CC2D2B: variants seen among roughly 807,000 people sequenced by gnomAD.
The protein encoded by CC2D2B is coiled-coil and C2 domain containing 2B, also known as protein CC2D2B.
CC2D2B carries 128 observed loss-of-function variants against 161.2 expected under a neutral mutation model. The observed-to-expected ratio is 0.79, with a 90% CI of 0.69 to 0.92. The LOEUF (loss-of-function observed/expected upper bound fraction) is 0.92. CC2D2B is among the 40% of genes least tolerant of loss of function. CC2D2B has a pLI of 0.00. For synonymous variants in CC2D2B, 391 were observed against 449.8 expected (o/e 0.87, Z 1.65); for missense variants, 1,173 against 1,375.1 (o/e 0.85, Z 2.32).
intron 20 of CC2D2B, among the ~76,000 whole-genome samples, chr10:95,990,314 A>G (rs2077899620): frequency 1.3e-5 from 2 of 152,186 alleles, no homozygotes. Context: ...GAAGTGGTCA[A>G]AGAATCCGGT....
At chr10:95,924,754 A>G in intron 4 of CC2D2B, 25 bp from the exon 5 acceptor site, 2 of 1,441,690 alleles carry the variant, frequency 1.4e-6, no homozygotes, top group Non-Finnish European at 1.9e-6. Context: ...TATTTCTGTA[A>G]AGATTTATTT....
Position 96,019,192 on chromosome 10 carries a change from T to G in CC2D2B, c.3631-11T>G. Reference sequence around the variant, plus strand: ...AATCCACCAAAAATTACTTTCTTTTTTCTCATACAGGGGCATGTGGCTTAT... The same window carrying G: ...AATCCACCAAAAATTACTTTCTTTTGTCTCATACAGGGGCATGTGGCTTAT... On this transcript the variant is annotated splice_polypyrimidine_tract_variant and intron_variant, in intron 30 of 34. Transcript: ENST00000646931. The G allele has an allele frequency of 6.4e-7, 1 of 1,562,586 alleles. No homozygotes were observed. The highest frequency in any genetic ancestry group is 8.6e-7 in the Non-Finnish European group (1 of 1,160,354).
intron 6 of CC2D2B, among the ~76,000 whole-genome samples, chr10:95,929,317 T>C (rs1175265576): frequency 6.6e-6 from 1 of 152,232 alleles, no homozygotes; most frequent in African/African-American, 2.4e-5. Flanking sequence ...ATGAGTAGAT[T>C]GCAAAAATTT....
In CC2D2B at chr10:95,950,540, T is replaced by C. The variant is rs1326264163; in HGVS notation, c.1011+435T>C. 2.6e-5 allele frequency: 4 copies of C among 152,492 alleles called. No homozygotes were observed. In the South Asian group the frequency reaches 6.2e-4, roughly 24 times the overall value. 9.4% of individuals were successfully genotyped at this position (152,492 alleles called of 1,614,324 possible). On this transcript the variant is annotated intron_variant, in intron 10 of 34. Transcript: ENST00000646931. ...GGGGTATATGAAGTCTGAAGAGAAA[T>C]AGAAGGAGTACCCACTGATTACTTT...
chr10:95,958,195 G>T (rs1045517474), intron 11 of CC2D2B, among the ~76,000 whole-genome samples: 1 of 152,054 alleles, frequency 6.6e-6, no homozygotes, highest in African/African-American at 2.4e-5. Flanking sequence ...GTTAAACCAT[G>T]CATAAACAAA....
intron 5 of CC2D2B, among the ~76,000 whole-genome samples, chr10:95,926,127 A>T (rs922498144): frequency 2.0e-5 from 3 of 152,194 alleles, no homozygotes; most frequent in African/African-American, 7.2e-5. Flanking sequence ...GTTTATGTGC[A>T]TGTTATTCAC....
intron 25 of CC2D2B, among the ~76,000 whole-genome samples, chr10:96,005,613 A>G (rs962802906): frequency 5.3e-5 from 8 of 152,004 alleles, no homozygotes; most frequent in Non-Finnish European, 1.0e-4. Context: ...TCTTCCTGCT[A>G]TCAACTGTTT....
At chr10:95,963,631 G>C (rs540511069) in intron 12 of CC2D2B, among the ~76,000 whole-genome samples, 5 of 152,236 alleles carry the variant, frequency 3.3e-5, no homozygotes, top group East Asian at 1.9e-4. Flanking sequence ...TGAATGGCAT[G>C]GTAGAGGAGG....
intron 2 of CC2D2B, chr10:95,919,554 A>G (rs1392671297): frequency 2.0e-5 from 3 of 152,230 alleles, no homozygotes; most frequent in East Asian, 1.9e-4. Flanking sequence ...AGACACTCCC[A>G]TGGCCACCAC....
At position 95,924,745 on chromosome 10, in the gene CC2D2B, A is replaced by G. The variant is rs964673778; in HGVS notation, c.175-34A>G. ...AAGACTTATGAGCACAATTATGTCT[A>G]TTTCTGTAAAGATTTATTTATGTTG... On this transcript the variant is annotated intron_variant, in intron 4 of 34. Coordinates refer to ENST00000646931, the MANE Select transcript of CC2D2B (RefSeq NM_001349008.3). 21 of 1,362,376 alleles carry G rather than the reference A, an allele frequency of 1.5e-5. No homozygotes were observed. In the Middle Eastern group the frequency reaches 7.1e-4, roughly 46 times the overall value. 84.4% of individuals were successfully genotyped at this position (1,362,376 alleles called of 1,614,324 possible). A position where few individuals can be genotyped will look rare whatever the true frequency, so the allele number is the denominator to read the frequency against.
chr10:95,975,701 G>A (rs949905259), intron 17 of CC2D2B, among the ~76,000 whole-genome samples: 10 of 152,300 alleles, frequency 6.6e-5, no homozygotes, highest in African/African-American at 2.2e-4. Flanking sequence ...TCAACTCAGG[G>A]AATGGGACAG....
intron 6 of CC2D2B, among the ~76,000 whole-genome samples, chr10:95,934,462 C>CA (rs2075741506): frequency 6.6e-6 from 1 of 150,896 alleles, no homozygotes; most frequent in Admixed American, 6.6e-5. Flanking sequence ...AACAAACAAA[C>CA]AAAAAAACCT....
chr10:96,025,174 T>G (rs1278792277), intron 33 of CC2D2B, among the ~76,000 whole-genome samples: 1 of 15,100 alleles, frequency 6.6e-5, no homozygotes, highest in Admixed American at 9.0e-4. Context: ...TATATATATA[T>G]ATATATATAT....
chr10:95,962,366 C>A (rs2076790183), intron 12 of CC2D2B, among the ~76,000 whole-genome samples: 1 of 151,922 alleles, frequency 6.6e-6, no homozygotes, highest in African/African-American at 2.4e-5. Flanking sequence ...TGGCTAAAAT[C>A]CAAAACTAAA....
chr10:95,987,737 T>G (rs1373122835), intron 19 of CC2D2B, among the ~76,000 whole-genome samples: 2 of 152,206 alleles, frequency 1.3e-5, no homozygotes, highest in African/African-American at 4.8e-5. Flanking sequence ...TTATTTCAAT[T>G]AAGTCTCACA....
chr10:95,986,137 C>T (rs139163521), intron 19 of CC2D2B, among the ~76,000 whole-genome samples: 1 of 151,426 alleles, frequency 6.6e-6, no homozygotes, highest in African/African-American at 2.4e-5. Context: ...GTGACCCACA[C>T]CCTATTCGTA....
chr10:95,924,457 T>A, intron 4 of CC2D2B, 67 bp downstream of exon 4: 1 of 895,304 alleles, frequency 1.1e-6, no homozygotes, highest in Non-Finnish European at 1.7e-6. Context: ...CACAATCAAG[T>A]TTTCTTTGTC....
intron 12 of CC2D2B, among the ~76,000 whole-genome samples, chr10:95,963,368 T>C (rs1391984583): frequency 6.6e-6 from 1 of 152,148 alleles, no homozygotes; most frequent in Non-Finnish European, 1.5e-5. Flanking sequence ...ATAGTACTCA[T>C]GATAAGAAGG....
At chr10:95,994,016 G>A (rs1216702897) in intron 22 of CC2D2B, among the ~76,000 whole-genome samples, 2 of 126,594 alleles carry the variant, frequency 1.6e-5, no homozygotes, top group African/African-American at 3.0e-5. Context: ...CCAGCCCTAC[G>A]GGGCTTAGCA....
Sources: allele counts gnomAD v4.1 joint callset (sites outside exome capture counted in the v4.1 genomes callset), GRCh38; gene constraint gnomAD v4.1.1; transcripts MANE v1.5; gene names NCBI Gene and HGNC (gene_info 2026-07-23, HGNC 2026-07-21).